Variants in PRKX observed in about 807,000 individuals in gnomAD.
PRKX encodes cAMP-dependent protein kinase catalytic subunit PRKX.
Under a neutral mutation model 22.0 loss-of-function variants are expected in PRKX, and 12 were observed. The observed-to-expected ratio is 0.54, with a 90% CI of 0.35 to 0.88. PRKX has a LOEUF of 0.88. PRKX is among the 40% of genes least tolerant of loss of function. PRKX has a pLI of 0.01. For missense variants in PRKX, 217 were observed against 308.0 expected (o/e 0.70, Z 2.21); for synonymous variants, 134 against 137.7 (o/e 0.97, Z 0.19).
At chrX:3,680,679 T>C (rs1928053993) in intron 1 of PRKX, among the ~76,000 whole-genome samples, 1 of 111,924 alleles carries the variant, frequency 8.9e-6, no homozygotes, top group Non-Finnish European at 1.9e-5. Flanking sequence ...ACTAAAATAT[T>C]AGGTGAATCA....
chrX:3,644,648 G>T (rs1021791823), intron 3 of PRKX, among the ~76,000 whole-genome samples: 1 of 111,065 alleles, frequency 9.0e-6, no homozygotes. Flanking sequence ...TTAGAAACAC[G>T]CTCTCCCCTG....
intron 2 of PRKX, among the ~76,000 whole-genome samples, chrX:3,665,251 T>C (rs1767314771): frequency 9.0e-6 from 1 of 111,090 alleles, no homozygotes; most frequent in South Asian, 3.8e-4. Flanking sequence ...GGCTGTGAAA[T>C]AGTTACCTGG....
At chrX:3,702,026 T>C (rs1476110774) in intron 1 of PRKX, among the ~76,000 whole-genome samples, 1 of 112,242 alleles carries the variant, frequency 8.9e-6, no homozygotes, top group Non-Finnish European at 1.9e-5. Flanking sequence ...ACTTTCTCAA[T>C]AAACTTGCTT....
intron 1 of PRKX, among the ~76,000 whole-genome samples, chrX:3,677,082 C>T (rs768222582): frequency 3.6e-5 from 4 of 110,823 alleles, no homozygotes; most frequent in East Asian, 2.8e-4. Flanking sequence ...CTCATAGAAG[C>T]AGAGAGTAGA....
At chrX:3,629,302 C>T (rs1049826166) in intron 4 of PRKX, among the ~76,000 whole-genome samples, 6 of 109,820 alleles carry the variant, frequency 5.5e-5, no homozygotes, top group African/African-American at 2.0e-4. Flanking sequence ...AGTACTGCAG[C>T]GTGATCCTGG....
rs192396576 is a variant in PRKX at position 3,615,444 on chromosome X, T to C, written c.951+371A>G. ...AGACGCTTGCTTATCTCTGTAATCCTGTTGACCGCTTTCCACTAAAGAGGA... is the reference window on the plus strand; with the variant it reads ...AGACGCTTGCTTATCTCTGTAATCCCGTTGACCGCTTTCCACTAAAGAGGA... On this transcript the variant is annotated intron_variant, in intron 7 of 8. Transcript: ENST00000262848. Among the ~76,000 whole-genome samples, 3 of 111,936 alleles carry C rather than the reference T, an allele frequency of 2.7e-5. No homozygotes were observed. The East Asian group carries it at 8.4e-4, about 31-fold the overall frequency.
At chrX:3,700,302 G>A (rs1201937784) in intron 1 of PRKX, among the ~76,000 whole-genome samples, 1 of 112,124 alleles carries the variant, frequency 8.9e-6, no homozygotes, top group African/African-American at 3.2e-5. Flanking sequence ...AAAACGCAAT[G>A]TAACTGAAAA....
chrX:3,713,564 G>A lies in PRKX; in HGVS notation c.-311C>T. Reference sequence around the variant, plus strand: ...CCCGGGCTGGGGGGGGCGAGGCGGGGGCCCTGCGCATTCCGGGTCTCGCGC... The same window carrying A: ...CCCGGGCTGGGGGGGGCGAGGCGGGAGCCCTGCGCATTCCGGGTCTCGCGC... On this transcript the variant is annotated 5_prime_UTR_variant, in exon 1 of 9. Coordinates refer to ENST00000262848, the MANE Select transcript of PRKX (RefSeq NM_005044.5). 1 of 180,798 alleles carries A rather than the reference G, an allele frequency of 5.5e-6. No individual in the cohort carries two copies. The highest frequency in any genetic ancestry group is 1.0e-5 in the Non-Finnish European group (1 of 96,319). The allele number at this position is 180,798 out of a possible 1,213,427, so 14.9% of individuals were successfully genotyped here.
intron 6 of PRKX, among the ~76,000 whole-genome samples, chrX:3,620,841 C>G (rs897098209): frequency 1.8e-5 from 2 of 111,804 alleles, no homozygotes; most frequent in Non-Finnish European, 3.8e-5. Context: ...ACAGGGGTGG[C>G]TGTACATAAT....
Position 3,610,375 on chromosome X carries a change from G to A in PRKX, c.*24-1430C>T, listed in dbSNP as rs1293423174. 9.9e-5 allele frequency among the ~76,000 whole-genome samples: 11 copies of A among 110,769 alleles called. No homozygotes were observed. In the East Asian group the frequency reaches 2.9e-3, roughly 29 times the overall value. On this transcript the variant is annotated intron_variant, in intron 8 of 8. Coordinates refer to ENST00000262848, the MANE Select transcript of PRKX (RefSeq NM_005044.5). ...CAGGCACCTGTAATCCCAGCTACTC[G>A]GGAGGCTGAGGCAGGAGAATCACTT...
intron 1 of PRKX, among the ~76,000 whole-genome samples, chrX:3,690,718 G>A (rs1928307151): frequency 1.8e-5 from 2 of 112,015 alleles, no homozygotes; most frequent in Non-Finnish European, 3.8e-5. Flanking sequence ...GTGACAGAGC[G>A]AGACCCTGTC....
rs190286051 is a variant in PRKX, at chrX:3,661,039, T to C, written c.336-5627A>G. On this transcript the variant is annotated intron_variant, in intron 2 of 8. Coordinates refer to ENST00000262848, the MANE Select transcript of PRKX (RefSeq NM_005044.5). The stretch of plus-strand genomic sequence containing the variant: ...CACAAGTGTCTCAGTAAAATCAACA[T>C]CAACAAACCACAAGGCTTAATAAAG... 1.5e-4 allele frequency among the ~76,000 whole-genome samples: 17 copies of C among 110,172 alleles called. No individual in the cohort carries two copies. In the East Asian group the frequency reaches 4.0e-3, roughly 26 times the overall value.
chrX:3,639,062 C>T (rs182000462), intron 4 of PRKX, among the ~76,000 whole-genome samples: 134 of 43,407 alleles, frequency 3.1e-3, no homozygotes, highest in Admixed American at 3.7e-3. Context: ...TACATACATA[C>T]TTACAAAATA....
intron 6 of PRKX, among the ~76,000 whole-genome samples, chrX:3,616,848 C>T (rs1225182950): frequency 1.8e-5 from 2 of 111,562 alleles, no homozygotes; most frequent in Non-Finnish European, 3.8e-5. Flanking sequence ...TTCCCTTCAG[C>T]AATGTTGTGA....
At chrX:3,701,494 T>C (rs1368977193) in intron 1 of PRKX, among the ~76,000 whole-genome samples, 1 of 112,374 alleles carries the variant, frequency 8.9e-6, no homozygotes, top group Admixed American at 9.5e-5. Flanking sequence ...CACCTTTTGA[T>C]TTTTGGAATC....
rs752890264 is a variant in PRKX at position 3,645,712 on chromosome X, C to G, written c.600-3741G>C. On this transcript the variant is annotated intron_variant, in intron 3 of 8. Transcript: ENST00000262848. ...CTTTGGGAGGCCAAGGTGGGAGGAT[C>G]ACTTGAGCCTCAGAGTTCCAGACCA... Among the ~76,000 whole-genome samples the G allele has an allele frequency of 5.4e-5, 6 of 112,119 alleles. No homozygotes were observed. The South Asian group carries it at 2.2e-3, about 42-fold the overall frequency.
chrX:3,700,471 A>T (rs1603474837), intron 1 of PRKX, among the ~76,000 whole-genome samples: 1 of 112,266 alleles, frequency 8.9e-6, no homozygotes, highest in African/African-American at 3.2e-5. Context: ...TCCAACAACA[A>T]CTATTTGTAT....
chrX:3,654,564 T>G (rs1207826681), intron 3 of PRKX, among the ~76,000 whole-genome samples: 1 of 104,082 alleles, frequency 9.6e-6, no homozygotes, highest in Admixed American at 1.1e-4. Flanking sequence ...AGCCTCAACT[T>G]CCGGGGCTCA....
chrX:3,611,706 C>A (rs1926298633), intron 8 of PRKX, among the ~76,000 whole-genome samples: 1 of 111,636 alleles, frequency 9.0e-6, no homozygotes, highest in South Asian at 3.7e-4. Context: ...ACTCAAAATC[C>A]TTTTCCAGTC....
Sources: allele counts gnomAD v4.1 joint callset (sites outside exome capture counted in the v4.1 genomes callset), GRCh38; gene constraint gnomAD v4.1.1; transcripts MANE v1.5; gene names NCBI Gene and HGNC (gene_info 2026-07-23, HGNC 2026-07-21).